The following COL25A1 variants were observed in gnomAD, a reference collection of about 807,000 sequenced individuals.
COL25A1 encodes the protein collagen alpha-1(XXV) chain.
In COL25A1, 103 loss-of-function variants were observed where a neutral mutation model predicts 128.4. The observed-to-expected ratio is 0.80, with a 90% CI of 0.68 to 0.94. COL25A1 has a LOEUF of 0.94. COL25A1 is among the 40% of genes least tolerant of loss of function. The pLI is 0.00. For synonymous variants in COL25A1, 279 were observed against 277.2 expected, an observed-to-expected ratio of 1.01 and a Z score of -0.06; for missense variants, 745 against 840.0, an observed-to-expected ratio of 0.89 and a Z score of 1.40.
intron 5 of COL25A1, among the ~76,000 whole-genome samples, chr4:109,047,847 C>A (rs896404311): frequency 1.3e-5 from 2 of 151,282 alleles, no homozygotes; most frequent in Admixed American, 1.3e-4. Flanking sequence ...ATTCTCCTGC[C>A]TCAGCCGCCC....
At chr4:109,150,150 T>C (rs981316117) in intron 3 of COL25A1, among the ~76,000 whole-genome samples, 2 of 152,104 alleles carry the variant, frequency 1.3e-5, no homozygotes, top group Non-Finnish European at 2.9e-5. Context: ...TAACCTACTG[T>C]GAACAAACTG....
chr4:108,836,473 G>C (rs146104356), intron 31 of COL25A1, among the ~76,000 whole-genome samples: 3 of 152,256 alleles, frequency 2.0e-5, no homozygotes, highest in African/African-American at 2.4e-5. Flanking sequence ...GAGGCGGGAA[G>C]ATTGTTTGAG....
chr4:108,984,495 G>A (rs909402849), intron 6 of COL25A1, among the ~76,000 whole-genome samples: 11 of 152,330 alleles, frequency 7.2e-5, no homozygotes, highest in South Asian at 6.2e-4. Flanking sequence ...GGGGGCGGGA[G>A]GGAGGCTCAC....
chr4:109,200,470 G>T (rs1045918828), intron 3 of COL25A1, among the ~76,000 whole-genome samples: 21 of 151,604 alleles, frequency 1.4e-4, no homozygotes, highest in African/African-American at 2.4e-4. Flanking sequence ...CTTTTGTGGG[G>T]TTTTTTTGAG....
At chr4:108,977,830 T>C (rs1164267131) in intron 6 of COL25A1, among the ~76,000 whole-genome samples, 1 of 152,168 alleles carries the variant, frequency 6.6e-6, no homozygotes, top group Non-Finnish European at 1.5e-5. Context: ...CTCAGCTACA[T>C]CAAGGTCAAC....
chr4:109,042,364 G>A (rs1206136641), intron 5 of COL25A1, among the ~76,000 whole-genome samples: 6 of 152,008 alleles, frequency 3.9e-5, no homozygotes, highest in Non-Finnish European at 8.8e-5. Context: ...ACAAATCAGC[G>A]TGCAGGGGCT....
chr4:108,893,917 C>T (rs2125852376), intron 16 of COL25A1, among the ~76,000 whole-genome samples: 1 of 152,252 alleles, frequency 6.6e-6, no homozygotes, highest in Admixed American at 6.5e-5. Context: ...TTACAGATTC[C>T]TATTTACAAT....
intron 4 of COL25A1, among the ~76,000 whole-genome samples, chr4:109,048,685 C>T (rs1760694523): frequency 6.6e-6 from 1 of 152,060 alleles, no homozygotes; most frequent in Admixed American, 6.5e-5. Context: ...ACCATCAAAA[C>T]AGGCAAAGTC....
intron 8 of COL25A1, among the ~76,000 whole-genome samples, chr4:108,960,588 A>T (rs1348396586): frequency 2.6e-5 from 4 of 152,204 alleles, no homozygotes; most frequent in Admixed American, 2.6e-4. Context: ...AACTTCTGTT[A>T]AATTCAAGGA....
At chr4:108,899,372 A>C (rs1742555328) in intron 14 of COL25A1, among the ~76,000 whole-genome samples, 192 bp from the exon 15 acceptor site, 2 of 152,208 alleles carry the variant, frequency 1.3e-5, no homozygotes, top group African/African-American at 4.8e-5. Context: ...ATGAATATCA[A>C]TTATCAAATG....
chr4:109,104,544 T>C (rs551713750), intron 3 of COL25A1, among the ~76,000 whole-genome samples: 113 of 152,244 alleles, frequency 7.4e-4, no homozygotes, highest in African/African-American at 2.6e-3. Context: ...ATTCCCATTA[T>C]GACATGGGTT....
At chr4:109,214,687 A>C (rs888025919) in intron 3 of COL25A1, among the ~76,000 whole-genome samples, 1 of 152,116 alleles carries the variant, frequency 6.6e-6, no homozygotes, top group Non-Finnish European at 1.5e-5. Context: ...ATGCAAGATG[A>C]AACATACAAC....
chr4:109,057,134 A>G (rs1761518307), intron 3 of COL25A1, among the ~76,000 whole-genome samples: 1 of 152,196 alleles, frequency 6.6e-6, no homozygotes, highest in Admixed American at 6.5e-5. Flanking sequence ...AGTCAGAATT[A>G]AAGGTGTGAG....
intron 3 of COL25A1, among the ~76,000 whole-genome samples, chr4:109,222,899 T>C (rs1778523121): frequency 6.6e-6 from 1 of 152,272 alleles, no homozygotes. Flanking sequence ...ATTAGTTTTA[T>C]TAATTCTTAA....
intron 3 of COL25A1, among the ~76,000 whole-genome samples, chr4:109,205,662 C>T (rs1430661366): frequency 6.6e-6 from 1 of 152,142 alleles, no homozygotes; most frequent in Non-Finnish European, 1.5e-5. Context: ...GGGATATAAA[C>T]TTCTATCTTG....
intron 3 of COL25A1, among the ~76,000 whole-genome samples, chr4:109,208,483 T>TAAAAA (rs199675745): frequency 0.062 from 8,506 of 138,050 alleles, 430 homozygotes; most frequent in African/African-American, 0.15. Context: ...TATCAGTTAA[T>TAAAAA]AAAAAAAAAA....
At chr4:109,212,883 G>A (rs1452445032) in intron 3 of COL25A1, among the ~76,000 whole-genome samples, 1 of 152,186 alleles carries the variant, frequency 6.6e-6, no homozygotes, top group East Asian at 1.9e-4. Context: ...GTCTTCTGCG[G>A]CAGAAGACAG....
At chr4:108,871,575 C>T (rs1416369262) in intron 19 of COL25A1, among the ~76,000 whole-genome samples, 1 of 152,166 alleles carries the variant, frequency 6.6e-6, no homozygotes, top group Non-Finnish European at 1.5e-5. Flanking sequence ...CTCGGCCTCC[C>T]AAAGTGCTGG....
intron 3 of COL25A1, among the ~76,000 whole-genome samples, chr4:109,219,037 A>G (rs149774415): frequency 4.6e-5 from 7 of 152,258 alleles, no homozygotes; most frequent in African/African-American, 1.7e-4. Context: ...TTAAATTTCT[A>G]GGAGTCAGAG....
Sources: gnomAD v4.1 joint callset for allele counts (sites outside exome capture counted in the v4.1 genomes callset) on GRCh38, gnomAD v4.1.1 for gene constraint, MANE v1.5 for transcripts, NCBI Gene and HGNC (gene_info 2026-07-23, HGNC 2026-07-21) for gene names.